SLC25A21: variants seen among roughly 807,000 people sequenced by gnomAD.
SLC25A21 encodes the protein solute carrier family 25 member 21.
Under a neutral mutation model 43.8 loss-of-function variants are expected in SLC25A21, and 47 were observed. That is an observed-to-expected ratio of 1.07 (90% CI 0.85 to 1.37). The LOEUF (loss-of-function observed/expected upper bound fraction) is 1.37, where lower values mean the gene tolerates loss of function less well. Among genes scored for constraint, SLC25A21 ranks in the 40% most tolerant of loss-of-function variants. SLC25A21 has a pLI of 0.00. For missense variants in SLC25A21, 352 were observed against 350.2 expected (o/e 1.00, Z -0.04); for synonymous variants, 131 against 121.3 (o/e 1.08, Z -0.52).
chr14:37,135,354 T>G (rs1013428744), intron 1 of SLC25A21, among the ~76,000 whole-genome samples: 2 of 152,062 alleles, frequency 1.3e-5, no homozygotes, highest in African/African-American at 4.8e-5. Flanking sequence ...AGCTATGATT[T>G]TGCCACTGTA....
intron 1 of SLC25A21, among the ~76,000 whole-genome samples, chr14:37,076,883 C>G (rs1962292612): frequency 6.6e-6 from 1 of 152,210 alleles, no homozygotes. Context: ...TCCTAGGCCA[C>G]TCTTGTCAGA....
At chr14:37,037,841 A>G (rs1163548969) in intron 1 of SLC25A21, among the ~76,000 whole-genome samples, 2 of 152,072 alleles carry the variant, frequency 1.3e-5, no homozygotes, top group Non-Finnish European at 1.5e-5. Flanking sequence ...CTAAACCCAT[A>G]TGGCTCTACT....
intron 2 of SLC25A21, among the ~76,000 whole-genome samples, chr14:36,842,096 G>C (rs1889402252): frequency 6.6e-6 from 1 of 152,152 alleles, no homozygotes; most frequent in South Asian, 2.1e-4. Context: ...GGCAGTGTGG[G>C]AGATGTGTCC....
intron 1 of SLC25A21, among the ~76,000 whole-genome samples, chr14:36,960,178 G>A (rs1959454008): frequency 6.6e-6 from 1 of 152,060 alleles, no homozygotes; most frequent in Non-Finnish European, 1.5e-5. Flanking sequence ...TATTTTCACT[G>A]GCCAATTTAT....
rs541899469 is a variant in SLC25A21, at chr14:36,810,369, G to C, written c.203+3549C>G. ...CTAAGGAACTGCCACGTTCAATTCA[G>C]GGATATCTGTTACAGCTTACAGATC... On this transcript the variant is annotated intron_variant, in intron 3 of 9. Coordinates refer to ENST00000331299, the MANE Select transcript of SLC25A21 (RefSeq NM_030631.4). Among the ~76,000 whole-genome samples the C allele has an allele frequency of 4.3e-3, 647 of 152,218 alleles. 5 individuals carry two copies. Among genetic ancestry groups the C allele is most frequent in the Non-Finnish European group, 7.0e-3 (476 of 68,004 alleles).
chr14:36,875,091 G>A (rs767538923), intron 1 of SLC25A21, 87 bp from the exon 2 acceptor site: 46 of 1,089,996 alleles, frequency 4.2e-5, no homozygotes, highest in Admixed American at 1.9e-4. Flanking sequence ...CGAGTGTGAG[G>A]GTTCAGATAA....
intron 1 of SLC25A21, among the ~76,000 whole-genome samples, chr14:37,068,927 C>T (rs558345566): frequency 1.9e-4 from 29 of 152,306 alleles, no homozygotes; most frequent in South Asian, 1.2e-3. Context: ...GTAATCCCAG[C>T]ACTTTGGGAG....
intron 1 of SLC25A21, among the ~76,000 whole-genome samples, chr14:36,893,166 C>T (rs1891129331): frequency 6.6e-6 from 1 of 152,160 alleles, no homozygotes; most frequent in African/African-American, 2.4e-5. Flanking sequence ...ATCCCACCAA[C>T]AGTGTAAAAG....
Position 36,680,518 on chromosome 14 carries a change from T to C in SLC25A21, c.*140A>G. 7.6e-7 allele frequency: 1 copy of C among 1,315,556 alleles called. No individual in the cohort carries two copies. The highest frequency in any genetic ancestry group is 9.7e-7 in the Non-Finnish European group (1 of 1,030,260). The allele number at this position is 1,315,556 out of a possible 1,614,324, so 81.5% of individuals were successfully genotyped here. On this transcript the variant is annotated 3_prime_UTR_variant, in exon 10 of 10. Transcript: ENST00000331299. ...TCTCAAGTTGCCTATAGACATTTTT[T>C]AAAGTATTAAAATAGATTTTGTTCT... is the stretch of plus-strand genomic sequence containing the variant.
intron 2 of SLC25A21, among the ~76,000 whole-genome samples, chr14:36,854,597 C>T (rs1889842601): frequency 6.6e-6 from 1 of 152,150 alleles, no homozygotes. Context: ...ACAGCAAATG[C>T]TCGAGAAGGT....
intron 1 of SLC25A21, among the ~76,000 whole-genome samples, chr14:36,915,158 G>A (rs74047044): frequency 0.01 from 1,544 of 152,050 alleles, 31 homozygotes; most frequent in African/African-American, 0.035. Flanking sequence ...TGATGACAGC[G>A]GTACTATTTT....
Position 36,736,770 on chromosome 14 carries a change from A to G in SLC25A21, c.204-2197T>C, listed in dbSNP as rs114777690. On this transcript the variant is annotated intron_variant, in intron 3 of 9. Transcript: ENST00000331299. ...CAACTGGAGAAGAATGATCTTAGGG[A>G]GAAATATGGTGAACATGATGGATCT... 5.0e-3 allele frequency among the ~76,000 whole-genome samples: 764 copies of G among 152,370 alleles called. 13 individuals carry two copies. Among genetic ancestry groups the G allele is most frequent in the African/African-American group, 0.017 (702 of 41,580 alleles).
intron 1 of SLC25A21, among the ~76,000 whole-genome samples, chr14:37,045,400 T>C (rs1379094359): frequency 6.6e-6 from 1 of 152,152 alleles, no homozygotes; most frequent in Non-Finnish European, 1.5e-5. Flanking sequence ...AGGGACCCTG[T>C]GAGATCACAT....
intron 1 of SLC25A21, among the ~76,000 whole-genome samples, chr14:36,980,212 C>T (rs1000028926): frequency 6.6e-6 from 1 of 152,214 alleles, no homozygotes; most frequent in African/African-American, 2.4e-5. Context: ...GTGAATCTGA[C>T]AAGTATGTGT....
chr14:36,792,779 C>T (rs1283033116), intron 3 of SLC25A21, among the ~76,000 whole-genome samples: 1 of 152,124 alleles, frequency 6.6e-6, no homozygotes, highest in Non-Finnish European at 1.5e-5. Context: ...GATATTTCCT[C>T]TCTCATTAAA....
chr14:36,684,207 A>G (rs114652526), intron 8 of SLC25A21, among the ~76,000 whole-genome samples: 2 of 152,224 alleles, frequency 1.3e-5, no homozygotes, highest in Non-Finnish European at 2.9e-5. Context: ...AATTTAAAAG[A>G]CCACAAACTC....
chr14:37,150,419 T>C (rs1332923494), intron 1 of SLC25A21, among the ~76,000 whole-genome samples: 1 of 152,162 alleles, frequency 6.6e-6, no homozygotes, highest in African/African-American at 2.4e-5. Context: ...TCCATCCCTC[T>C]TTCTTACTCA....
rs376759755 is a variant in SLC25A21 at position 36,804,025 on chromosome 14, CA to C, written c.203+9892del. On this transcript the variant is annotated intron_variant, in intron 3 of 9. Transcript: ENST00000331299. ...CCTTGGTCTCATAGAATGATGGTGC[CA>C]CATGTCAGAAGACATGTGTAATCTA... 2.7e-4 allele frequency among the ~76,000 whole-genome samples: 41 copies of C among 152,262 alleles called. No individual in the cohort carries two copies. In the East Asian group the frequency reaches 7.1e-3, roughly 27 times the overall value.
intron 2 of SLC25A21, among the ~76,000 whole-genome samples, chr14:36,848,003 A>G (rs1218866707): frequency 6.6e-6 from 1 of 152,176 alleles, no homozygotes; most frequent in Non-Finnish European, 1.5e-5. Flanking sequence ...GGCAGTGGGG[A>G]TGAGAAGGCA....
Sources: allele counts gnomAD v4.1 joint callset (sites outside exome capture counted in the v4.1 genomes callset), GRCh38; gene constraint gnomAD v4.1.1; transcripts MANE v1.5; gene names NCBI Gene and HGNC (gene_info 2026-07-23, HGNC 2026-07-21).